AFAP1L1: variants seen among roughly 807,000 people sequenced by gnomAD.
AFAP1L1 encodes actin filament-associated protein 1-like 1.
Under a neutral mutation model 99.8 loss-of-function variants are expected in AFAP1L1, and 77 were observed. That is an observed-to-expected ratio of 0.77 (90% confidence interval 0.64 to 0.93). The LOEUF is 0.93. Among genes scored for constraint, AFAP1L1 ranks in the 40% least tolerant of loss-of-function variants. The pLI, the probability that AFAP1L1 is intolerant of heterozygous loss-of-function variation, is 0.00. For missense variants in AFAP1L1, 893 were observed against 996.8 expected (o/e 0.90, Z 1.40); for synonymous variants, 373 against 395.3 (o/e 0.94, Z 0.67).
At chr5:149,272,062 GA>G in intron 1 of AFAP1L1, 78 bp downstream of exon 1, 1 of 1,207,724 alleles carries the variant, frequency 8.3e-7, no homozygotes. Context: ...AGCCGGAGAG[GA>G]GGAGGGAGAG....
At chr5:149,332,029 T>C (rs1457599123) in intron 16 of AFAP1L1, among the ~76,000 whole-genome samples, 1 of 152,124 alleles carries the variant, frequency 6.6e-6, no homozygotes, top group Non-Finnish European at 1.5e-5. Flanking sequence ...TGAGTTGTGA[T>C]TATGGGGCAG....
chr5:149,319,580 A>C lies in AFAP1L1; in HGVS notation c.1480-2A>C. 6.3e-7 allele frequency: 1 copy of C among 1,596,686 alleles called. No individual in the cohort carries two copies. The highest frequency in any genetic ancestry group is 8.6e-7 in the Non-Finnish European group (1 of 1,168,518). On this transcript the variant is annotated splice_acceptor_variant, in intron 12 of 18. Transcript: ENST00000296721. LOFTEE classifies it high-confidence loss of function. The stretch of plus-strand genomic sequence containing the variant: ...ACTCCATCTTTGCCTCCTGTCCTTC[A>C]GGCAAGCTGTTCAGAGGACATGGGT...
intron 3 of AFAP1L1, among the ~76,000 whole-genome samples, chr5:149,300,812 G>C (rs566223134): frequency 6.6e-6 from 1 of 152,356 alleles, no homozygotes; most frequent in South Asian, 2.1e-4. Flanking sequence ...ACAGGCCTTG[G>C]TGAGAGAGTT....
chr5:149,327,835 T>C lies in AFAP1L1; in HGVS notation c.1811-1831T>C, dbSNP rs184765. Among the ~76,000 whole-genome samples, 1,350 of 152,044 alleles carry C rather than the reference T, an allele frequency of 8.9e-3. 20 individuals carry two copies. Among genetic ancestry groups the C allele is most frequent in the Middle Eastern group, 0.024 (7 of 294 alleles). On this transcript the variant is annotated intron_variant, in intron 15 of 18. Transcript: ENST00000296721. ...ACAAACATATGTGTAGAGGGAGTACTAGAAGGAGAAGAGAGAGAGAGACAG... is the reference window on the plus strand; with the variant it reads ...ACAAACATATGTGTAGAGGGAGTACCAGAAGGAGAAGAGAGAGAGAGACAG...
At chr5:149,334,563 G>T (rs985348944) in intron 17 of AFAP1L1, among the ~76,000 whole-genome samples, 22 of 152,204 alleles carry the variant, frequency 1.4e-4, no homozygotes, top group Non-Finnish European at 2.5e-4. Flanking sequence ...CTGGAAAAAT[G>T]TAAGGGGTAA....
At chr5:149,274,210 C>G (rs760760717) in intron 1 of AFAP1L1, among the ~76,000 whole-genome samples, 1 of 152,210 alleles carries the variant, frequency 6.6e-6, no homozygotes, top group Non-Finnish European at 1.5e-5. Context: ...CTATTGTGAT[C>G]AATCTGCTGA....
chr5:149,299,851 G>A (rs1756136863), intron 2 of AFAP1L1, among the ~76,000 whole-genome samples: 1 of 150,550 alleles, frequency 6.6e-6, no homozygotes. Flanking sequence ...CCTCCCCACC[G>A]ACAGCCCTGG....
intron 11 of AFAP1L1, among the ~76,000 whole-genome samples, chr5:149,316,754 G>A (rs974452632): frequency 6.6e-6 from 1 of 152,188 alleles, no homozygotes; most frequent in Non-Finnish European, 1.5e-5. Context: ...TGATTTGAAG[G>A]TGAAAACATT....
chr5:149,273,775 A>C (rs1581277878), intron 1 of AFAP1L1, among the ~76,000 whole-genome samples: 20 of 128,684 alleles, frequency 1.6e-4, no homozygotes, highest in Admixed American at 3.3e-4. Flanking sequence ...TCCCCTTCAC[A>C]CTCCTAGTCG....
chr5:149,324,894 T>C (rs187178442), intron 15 of AFAP1L1, among the ~76,000 whole-genome samples: 1 of 152,340 alleles, frequency 6.6e-6, no homozygotes, highest in Non-Finnish European at 1.5e-5. Flanking sequence ...GCAAGGCTGA[T>C]GCTGCAAGGT....
chr5:149,314,969 G>A (rs971876228), intron 9 of AFAP1L1, among the ~76,000 whole-genome samples: 7 of 152,204 alleles, frequency 4.6e-5, no homozygotes, highest in South Asian at 4.1e-4. Context: ...AGCTGGCTCC[G>A]TCACAGCAGC....
chr5:149,281,651 A>G (rs1425691824), intron 1 of AFAP1L1, among the ~76,000 whole-genome samples: 2 of 152,080 alleles, frequency 1.3e-5, no homozygotes, highest in African/African-American at 4.8e-5. Context: ...TTCCCATTTT[A>G]TACATGAAGA....
chr5:149,309,978 G>C lies in AFAP1L1; in HGVS notation c.770G>C (p.Arg257Pro). ...CAGTGTTACAAAAGCTCCAAGGATC[G>C]GCAGCCACATCTGAGGTTGGCACTG... ...QLLCYKSSKD[R>P]QPHLRLALDT... The change falls in exon 8 of 19, where the codon CGG (arginine) becomes CCG (proline). Residue 257 changes from arginine to proline, a missense_variant. Coordinates refer to ENST00000296721, the MANE Select transcript of AFAP1L1 (RefSeq NM_152406.4). The C allele has an allele frequency of 6.2e-7, 1 of 1,614,162 alleles. No homozygotes were observed. Among genetic ancestry groups the C allele is most frequent in the Non-Finnish European group, 8.5e-7 (1 of 1,180,026 alleles).
At chr5:149,335,488 A>G (rs772682334) in intron 17 of AFAP1L1, 106 bp from the exon 18 acceptor site, 8 of 1,380,424 alleles carry the variant, frequency 5.8e-6, no homozygotes, top group Non-Finnish European at 6.8e-6. Flanking sequence ...TGTCTCAAAA[A>G]TAAAAATAAA....
intron 7 of AFAP1L1, among the ~76,000 whole-genome samples, chr5:149,307,824 C>CTCTGTCTCTCTCTG (rs1756477605): frequency 7.8e-6 from 1 of 128,608 alleles, no homozygotes; most frequent in Admixed American, 7.8e-5. Context: ...CTCTTTCTCT[C>CTCTGTCTCTCTCTG]TCTCTCTCTC....
Position 149,320,369 on chromosome 5 carries a change from C to T in AFAP1L1, c.1626-22C>T. 6.2e-7 allele frequency: 1 copy of T among 1,611,244 alleles called. No individual in the cohort carries two copies. The highest frequency in any genetic ancestry group is 1.7e-5 in the Admixed American group (1 of 60,026). On this transcript the variant is annotated intron_variant, in intron 13 of 18. Transcript: ENST00000296721. The surrounding 1 kb of genome is among the most constrained non-coding windows in gnomAD (Gnocchi z 4.0). ...AAAGCATCATTGTCATTGTCATTGT[C>T]ATCGTACATTTTATTTTCTAGATAT... is the stretch of plus-strand genomic sequence containing the variant.
Position 149,320,599 on chromosome 5 carries a change from TATC to T in AFAP1L1, c.1698+139_1698+141del. The T allele has an allele frequency of 1.3e-6, 1 of 780,444 alleles. No homozygotes were observed. The highest frequency in any genetic ancestry group is 2.1e-6 in the Non-Finnish European group (1 of 482,672). 48.3% of individuals were successfully genotyped at this position (780,444 alleles called of 1,614,324 possible). ...AGTAGCTAGAAGGGGAGCCCCTTCT[TATC>T]ATAGAGCATGGCTCAGGATGAGGAA... is the stretch of plus-strand genomic sequence containing the variant. On this transcript the variant is annotated intron_variant, in intron 14 of 18. Transcript: ENST00000296721. The surrounding 1 kb of genome is among the most constrained non-coding windows in gnomAD (Gnocchi z 4.0).
At chr5:149,284,140 GC>G (rs35410294) in intron 1 of AFAP1L1, among the ~76,000 whole-genome samples, 35 of 152,378 alleles carry the variant, frequency 2.3e-4, no homozygotes, top group Non-Finnish European at 4.3e-4. Context: ...GGGGCAGCAT[GC>G]CGAGAGCCCA....
At position 149,301,228 on chromosome 5, in the gene AFAP1L1, A is replaced by T. The variant is rs1010330566; in HGVS notation, c.325A>T (p.Asn109Tyr). 1.9e-6 allele frequency: 3 copies of T among 1,613,720 alleles called. No homozygotes were observed. The highest frequency in any genetic ancestry group is 2.5e-6 in the Non-Finnish European group (3 of 1,179,770). ...GCTAGCCAAGAGCCCACGCCTGAGA[A>T]ACGTGAGTCATGGCCTGGGTTCCCA... ...PELAKSPRLR[N>Y]AADLPPPLPN... The change falls in exon 4 of 19, where the codon AAC (asparagine) becomes TAC (tyrosine). Residue 109 changes from asparagine to tyrosine, a missense_variant and splice_region_variant. Physicochemically the swap from Asn to Tyr is moderately radical, Grantham distance 143. Coordinates refer to ENST00000296721, the MANE Select transcript of AFAP1L1 (RefSeq NM_152406.4).
Sources: gnomAD v4.1 joint callset for allele counts (sites outside exome capture counted in the v4.1 genomes callset) on GRCh38, gnomAD v4.1.1 for gene constraint, Gnocchi (gnomAD v3.1) non-coding constraint, MANE v1.5 for transcripts, NCBI Gene and HGNC (gene_info 2026-07-23, HGNC 2026-07-21) for gene names.